ANKRD33B: variants seen among roughly 807,000 people sequenced by gnomAD.
The protein encoded by ANKRD33B is ankyrin repeat domain 33B.
A neutral mutation model predicts 21.5 loss-of-function variants in ANKRD33B; 6 were observed. The observed-to-expected ratio is 0.28, with a 90% CI of 0.15 to 0.55. ANKRD33B has a LOEUF of 0.55. ANKRD33B is among the 20% of genes least tolerant of loss of function. ANKRD33B has a pLI of 0.94. For synonymous variants in ANKRD33B, 347 were observed against 342.4 expected, an observed-to-expected ratio of 1.01 and a Z score of -0.15; for missense variants, 698 against 747.2, an observed-to-expected ratio of 0.93 and a Z score of 0.77.
intron 3 of ANKRD33B, among the ~76,000 whole-genome samples, chr5:10,644,160 G>T (rs1416754377): frequency 6.6e-6 from 1 of 152,120 alleles, no homozygotes; most frequent in Non-Finnish European, 1.5e-5. Flanking sequence ...ACCATTTAAA[G>T]AAACTAATAG....
In ANKRD33B at chr5:10,582,681, G is replaced by A. The variant is rs541750511; in HGVS notation, c.366+17848G>A. On this transcript the variant is annotated intron_variant, in intron 1 of 3. Coordinates refer to ENST00000296657, the MANE Select transcript of ANKRD33B (RefSeq NM_001164440.2). The stretch of plus-strand genomic sequence containing the variant: ...CGCTGTGCTGCCTGCTCCCTGTTCC[G>A]CCATGGTGGATCCTTGTTCCCCATG... Among the ~76,000 whole-genome samples, 100 of 152,254 alleles carry A rather than the reference G, an allele frequency of 6.6e-4. 3 individuals are homozygous for A. In the South Asian group the frequency reaches 0.011, roughly 16 times the overall value.
At chr5:10,637,425 G>GACACACACACACAC (rs59222148) in intron 2 of ANKRD33B, among the ~76,000 whole-genome samples, 1,939 of 100,354 alleles carry the variant, frequency 0.019, 55 homozygotes, top group Middle Eastern at 0.028. Flanking sequence ...TAGGTAGTTA[G>GACACACACACACAC]ACACACACAC....
At chr5:10,595,013 C>G (rs562865067) in intron 1 of ANKRD33B, among the ~76,000 whole-genome samples, 17 of 152,250 alleles carry the variant, frequency 1.1e-4, no homozygotes, top group African/African-American at 4.1e-4. Context: ...TTTCCTATGG[C>G]AAGTAACTCA....
Position 10,564,457 on chromosome 5 carries a change from C to G in ANKRD33B, c.-11C>G. 8.7e-7 allele frequency: 1 copy of G among 1,153,290 alleles called. No individual in the cohort carries two copies. The highest frequency in any genetic ancestry group is 1.1e-6 in the Non-Finnish European group (1 of 938,220). The allele number at this position is 1,153,290 out of a possible 1,614,324, so 71.4% of individuals were successfully genotyped here. ...GCGCCCCGGCCCCCGGCCCGCGCCCCGGCCGCCGGCATGGTGCTGCTGGCC... is the reference window on the plus strand; with the variant it reads ...GCGCCCCGGCCCCCGGCCCGCGCCCGGGCCGCCGGCATGGTGCTGCTGGCC... On this transcript the variant is annotated 5_prime_UTR_variant, in exon 1 of 4. Transcript: ENST00000296657.
At chr5:10,637,781 G>A (rs1352155036) in intron 2 of ANKRD33B, among the ~76,000 whole-genome samples, 1 of 152,100 alleles carries the variant, frequency 6.6e-6, no homozygotes, top group East Asian at 1.9e-4. Flanking sequence ...CCTCCCTCGA[G>A]TGCTTTGCCG....
intron 3 of ANKRD33B, among the ~76,000 whole-genome samples, chr5:10,641,227 T>TC (rs745840236): frequency 4.1e-4 from 27 of 66,398 alleles, no homozygotes; most frequent in East Asian, 7.5e-4. Context: ...TTCTTCTTCT[T>TC]TTTTTTTTTT....
At chr5:10,613,161 C>T (rs913231018) in intron 1 of ANKRD33B, among the ~76,000 whole-genome samples, 8 of 152,146 alleles carry the variant, frequency 5.3e-5, no homozygotes, top group Non-Finnish European at 7.3e-5. Flanking sequence ...CGTGGGCTCC[C>T]GCTTCTTCTT....
chr5:10,571,482 C>G lies in ANKRD33B; in HGVS notation c.366+6649C>G, dbSNP rs558035816. 1.3e-3 allele frequency among the ~76,000 whole-genome samples: 199 copies of G among 152,164 alleles called. 1 individual carries two copies. Among genetic ancestry groups the G allele is most frequent in the African/African-American group, 4.5e-3 (186 of 41,538 alleles). On this transcript the variant is annotated intron_variant, in intron 1 of 3. Transcript: ENST00000296657. ...CTCCCAAAGCGCTGGGATTACAGGC[C>G]TGTGCCACCGCCCCTGGCCTCTTGA... is the stretch of plus-strand genomic sequence containing the variant.
Position 10,619,386 on chromosome 5 carries a change from G to A in ANKRD33B, c.496+924G>A. ...AGTGCCCCCGACCACACTGTATGTT[G>A]ATTCTGGTTGGGAAATGGCTGTTGC... On this transcript the variant is annotated intron_variant, in intron 2 of 3. Coordinates refer to ENST00000296657, the MANE Select transcript of ANKRD33B (RefSeq NM_001164440.2). This position sits in a 1 kb window ranked among gnomAD's most constrained non-coding sequence, Gnocchi z 4.5. The A allele has an allele frequency of 1.0e-6, 1 of 985,410 alleles. No individual in the cohort carries two copies. Among genetic ancestry groups the A allele is most frequent in the Non-Finnish European group, 1.2e-6 (1 of 829,908 alleles). The allele number at this position is 985,410 out of a possible 1,614,324, so 61.0% of individuals were successfully genotyped here. A position where few individuals can be genotyped will look rare whatever the true frequency, so the allele number is the denominator to read the frequency against.
chr5:10,584,624 C>CT, intron 1 of ANKRD33B, among the ~76,000 whole-genome samples: 1 of 152,116 alleles, frequency 6.6e-6, no homozygotes, highest in Admixed American at 6.6e-5. Context: ...GAAGTTGCCT[C>CT]TTTTTCAGTT....
intron 1 of ANKRD33B, among the ~76,000 whole-genome samples, chr5:10,594,168 T>C (rs961371573): frequency 6.6e-6 from 1 of 152,092 alleles, no homozygotes; most frequent in African/African-American, 2.4e-5. Context: ...TATTTATTGA[T>C]TGATTGATCT....
intron 3 of ANKRD33B, among the ~76,000 whole-genome samples, chr5:10,639,855 GGCGTTGCGCGGC>G: frequency 5.2e-5 from 1 of 19,202 alleles, no homozygotes; most frequent in Non-Finnish European, 1.2e-4. Context: ...CGGGTGACGC[GGCGTTGCGCGGC>G]GATGTTAGGC....
Position 10,571,982 on chromosome 5 carries a change from A to G in ANKRD33B, c.366+7149A>G, listed in dbSNP as rs911680611. Among the ~76,000 whole-genome samples, 7 of 150,114 alleles carry G rather than the reference A, an allele frequency of 4.7e-5. No homozygotes were observed. The South Asian group carries it at 1.3e-3, about 27-fold the overall frequency. On this transcript the variant is annotated intron_variant, in intron 1 of 3. Coordinates refer to ENST00000296657, the MANE Select transcript of ANKRD33B (RefSeq NM_001164440.2). ...CGGCTCACTGCAACCTCTGCCTCCC[A>G]GGTTCAAGCAATTCTCCTGCTTCAG... is the stretch of plus-strand genomic sequence containing the variant.
chr5:10,582,804 T>C (rs1449528278), intron 1 of ANKRD33B, among the ~76,000 whole-genome samples: 1 of 152,234 alleles, frequency 6.6e-6, no homozygotes, highest in African/African-American at 2.4e-5. Flanking sequence ...TCCCCGACTT[T>C]GGACCCTCAT....
intron 2 of ANKRD33B, chr5:10,624,900 C>T: frequency 2.3e-6 from 1 of 431,156 alleles, no homozygotes; most frequent in South Asian, 1.6e-5. Flanking sequence ...GGGGTGGGGC[C>T]CAAGAATGAG....
At position 10,610,837 on chromosome 5, in the gene ANKRD33B, G is replaced by A. The variant is rs146161976; in HGVS notation, c.367-7496G>A. On this transcript the variant is annotated intron_variant, in intron 1 of 3. Coordinates refer to ENST00000296657, the MANE Select transcript of ANKRD33B (RefSeq NM_001164440.2). ...AGGTGGGTGGATCACCTGAGGTCAG[G>A]AGTTTGAGACCAGCTTGGCCAACGT... Among the ~76,000 whole-genome samples, 685 of 152,294 alleles carry A rather than the reference G, an allele frequency of 4.5e-3. 6 individuals are homozygous for A. The highest frequency in any genetic ancestry group is 0.016 in the African/African-American group (649 of 41,544).
chr5:10,634,254 A>G (rs900221408), intron 2 of ANKRD33B, among the ~76,000 whole-genome samples: 2 of 152,100 alleles, frequency 1.3e-5, no homozygotes, highest in African/African-American at 2.4e-5. Flanking sequence ...TGTCTACACT[A>G]TGTTCCAGTG....
intron 1 of ANKRD33B, among the ~76,000 whole-genome samples, chr5:10,598,300 T>G (rs1735860049): frequency 6.6e-6 from 1 of 152,202 alleles, no homozygotes; most frequent in African/African-American, 2.4e-5. Flanking sequence ...GGAGTCTTGC[T>G]CTGTTGCCCA....
At chr5:10,646,341 A>G (rs1737188539) in intron 3 of ANKRD33B, among the ~76,000 whole-genome samples, 1 of 152,208 alleles carries the variant, frequency 6.6e-6, no homozygotes, top group Admixed American at 6.5e-5. Context: ...TAAAATGTTA[A>G]TAATCGGTAC....
Sources: gnomAD v4.1 joint callset for allele counts (sites outside exome capture counted in the v4.1 genomes callset) on GRCh38, gnomAD v4.1.1 for gene constraint, Gnocchi (gnomAD v3.1) non-coding constraint, MANE v1.5 for transcripts, NCBI Gene and HGNC (gene_info 2026-07-23, HGNC 2026-07-21) for gene names.